The following UBTD1 variants were observed in gnomAD, a reference collection of about 807,000 sequenced individuals.
UBTD1 encodes the protein ubiquitin domain-containing protein 1.
In UBTD1, 19 loss-of-function variants were observed where a neutral mutation model predicts 21.7. The ratio of observed to expected loss-of-function variants is 0.87; its 90% CI spans 0.61 to 1.28. The LOEUF (loss-of-function observed/expected upper bound fraction) is 1.28, where lower values mean the gene tolerates loss of function less well. Among genes scored for constraint, UBTD1 ranks in the 50% most tolerant of loss-of-function variants. The probability of loss-of-function intolerance (pLI) is 0.00; values close to 1 mark genes in which losing one functional copy is unlikely to be tolerated. For synonymous variants in UBTD1, 116 were observed against 135.1 expected (o/e 0.86, Z 0.98); for missense variants, 282 against 315.1 (o/e 0.89, Z 0.80).
intron 1 of UBTD1, among the ~76,000 whole-genome samples, chr10:97,514,043 C>CAAA (rs2040433213): frequency 6.7e-6 from 1 of 149,642 alleles, no homozygotes; most frequent in Admixed American, 6.7e-5. Flanking sequence ...GCATTGAGAT[C>CAAA]AAATCTGTTG....
intron 1 of UBTD1, among the ~76,000 whole-genome samples, chr10:97,548,249 C>T (rs1007406518): frequency 2.6e-5 from 4 of 152,246 alleles, no homozygotes; most frequent in African/African-American, 9.6e-5. Context: ...CCAGAAAGCA[C>T]ATGTAATCAG....
chr10:97,518,483 T>C (rs1039238083), intron 1 of UBTD1, among the ~76,000 whole-genome samples: 1 of 152,226 alleles, frequency 6.6e-6, no homozygotes, highest in Non-Finnish European at 1.5e-5. Context: ...CTGGCTTCTA[T>C]GTGTGTCTTC....
intron 1 of UBTD1, among the ~76,000 whole-genome samples, chr10:97,525,867 T>G (rs2040485908): frequency 6.6e-6 from 1 of 152,232 alleles, no homozygotes; most frequent in Admixed American, 6.5e-5. Context: ...GGGAATGTGG[T>G]AATGTGGACT....
intron 1 of UBTD1, among the ~76,000 whole-genome samples, chr10:97,542,060 T>A (rs1483353136): frequency 6.6e-6 from 1 of 152,124 alleles, no homozygotes; most frequent in East Asian, 1.9e-4. Flanking sequence ...TAAAGCCACC[T>A]CTCTGTGTTC....
chr10:97,529,262 C>T (rs543327165), intron 1 of UBTD1, among the ~76,000 whole-genome samples: 2 of 150,618 alleles, frequency 1.3e-5, no homozygotes, highest in African/African-American at 4.9e-5. Flanking sequence ...CGGGCAGAGA[C>T]GCTCCTCACT....
At chr10:97,542,081 G>T in intron 1 of UBTD1, among the ~76,000 whole-genome samples, 1 of 152,150 alleles carries the variant, frequency 6.6e-6, no homozygotes, top group East Asian at 1.9e-4. Context: ...CAAAGCCTCT[G>T]AGTTGTCTTC....
intron 1 of UBTD1, among the ~76,000 whole-genome samples, chr10:97,547,974 A>G (rs533841629): frequency 6.6e-6 from 1 of 152,300 alleles, no homozygotes; most frequent in South Asian, 2.1e-4. Context: ...ACCAATGACA[A>G]TAGCTACTGT....
chr10:97,527,171 CAAAAAAA>C lies in UBTD1; in HGVS notation c.70+27915_70+27921del, dbSNP rs34756643. Among the ~76,000 whole-genome samples the C allele has an allele frequency of 4.9e-3, 326 of 66,716 alleles. No individual in the cohort carries two copies. In the Middle Eastern group the frequency reaches 0.079, roughly 16 times the overall value. The allele number at this position is 66,716 out of a possible 152,430, so 43.8% of individuals were successfully genotyped here. On this transcript the variant is annotated intron_variant, in intron 1 of 2. Transcript: ENST00000370664. ...GGCAACAAAGCGAAACTCTTGTCTC[CAAAAAAA>C]AAAAAAAAAAAAAAAAGCCTGCCTT...
intron 1 of UBTD1, among the ~76,000 whole-genome samples, chr10:97,540,499 G>A (rs1050595275): frequency 3.3e-5 from 5 of 152,230 alleles, no homozygotes; most frequent in Admixed American, 6.5e-5. Flanking sequence ...TTAGAAGACT[G>A]CCTGGCATAT....
intron 1 of UBTD1, among the ~76,000 whole-genome samples, chr10:97,546,743 G>A (rs530102141): frequency 5.9e-5 from 9 of 152,224 alleles, no homozygotes; most frequent in South Asian, 2.1e-4. Context: ...TGCTCCTGCC[G>A]CGTGTTTTCC....
At chr10:97,509,224 G>A (rs980942017) in intron 1 of UBTD1, among the ~76,000 whole-genome samples, 1 of 152,220 alleles carries the variant, frequency 6.6e-6, no homozygotes, top group Non-Finnish European at 1.5e-5. Context: ...AGGACACTGA[G>A]ACTTGGTGAG....
At chr10:97,538,778 G>T (rs2040574814) in intron 1 of UBTD1, among the ~76,000 whole-genome samples, 1 of 151,844 alleles carries the variant, frequency 6.6e-6, no homozygotes, top group Non-Finnish European at 1.5e-5. Flanking sequence ...ATATGTGTGT[G>T]TGAGTGTGTT....
At chr10:97,548,131 A>G (rs1197802329) in intron 1 of UBTD1, among the ~76,000 whole-genome samples, 1 of 152,228 alleles carries the variant, frequency 6.6e-6, no homozygotes, top group Non-Finnish European at 1.5e-5. Flanking sequence ...TTAGCAGCCA[A>G]AGAAAACCCC....
At chr10:97,558,629 G>A (rs1436671051) in intron 1 of UBTD1, among the ~76,000 whole-genome samples, 1 of 151,178 alleles carries the variant, frequency 6.6e-6, no homozygotes. Context: ...TCAGGGCTGG[G>A]GCCGACATGA....
intron 1 of UBTD1, among the ~76,000 whole-genome samples, chr10:97,555,980 A>C (rs2040662291): frequency 6.6e-6 from 1 of 152,034 alleles, no homozygotes; most frequent in Admixed American, 6.5e-5. Context: ...TATTAGTGGG[A>C]GTTCTCACTC....
intron 1 of UBTD1, among the ~76,000 whole-genome samples, chr10:97,516,172 C>T (rs2040443384): frequency 6.6e-6 from 1 of 152,146 alleles, no homozygotes; most frequent in Non-Finnish European, 1.5e-5. Flanking sequence ...GGGAAAGGGG[C>T]TTTGTTGGAA....
chr10:97,518,256 G>T (rs1015432244), intron 1 of UBTD1, among the ~76,000 whole-genome samples: 7 of 152,176 alleles, frequency 4.6e-5, no homozygotes, highest in African/African-American at 1.2e-4. Context: ...AGGACCTGAG[G>T]TCAACAGGGG....
At chr10:97,521,010 A>T (rs1219764695) in intron 1 of UBTD1, among the ~76,000 whole-genome samples, 1 of 152,128 alleles carries the variant, frequency 6.6e-6, no homozygotes, top group African/African-American at 2.4e-5. Context: ...GACCACTAGG[A>T]GGGCAGGAGG....
intron 1 of UBTD1, among the ~76,000 whole-genome samples, chr10:97,528,182 C>A (rs2040501022): frequency 1.1e-5 from 1 of 93,862 alleles, no homozygotes; most frequent in Non-Finnish European, 2.3e-5. Flanking sequence ...GGGCTGACTC[C>A]CCCACCTCCC....
Sources: allele counts gnomAD v4.1 joint callset (sites outside exome capture counted in the v4.1 genomes callset), GRCh38; gene constraint gnomAD v4.1.1; transcripts MANE v1.5; gene names NCBI Gene and HGNC (gene_info 2026-07-23, HGNC 2026-07-21).